MYCBPAP: variants seen among roughly 807,000 people sequenced by gnomAD.
The protein encoded by MYCBPAP is MYCBP associated protein, also known as MYCBP-associated protein.
In MYCBPAP, 60 loss-of-function variants were observed where a neutral mutation model predicts 106.1. The ratio of observed to expected loss-of-function variants is 0.57; its 90% CI spans 0.46 to 0.70. The LOEUF (loss-of-function observed/expected upper bound fraction) is 0.70, where lower values mean the gene tolerates loss of function less well. Ranked by LOEUF, MYCBPAP falls within the 30% of genes least tolerant of loss-of-function variation. The pLI is 0.00. For synonymous variants in MYCBPAP, 407 were observed against 440.6 expected, an observed-to-expected ratio of 0.92 and a Z score of 0.95; for missense variants, 1,064 against 1,169.3, an observed-to-expected ratio of 0.91 and a Z score of 1.31.
chr17:50,508,096 C>T (rs1289459160), upstream of MYCBPAP, among the ~76,000 whole-genome samples: 4 of 152,154 alleles, frequency 2.6e-5, no homozygotes, highest in African/African-American at 9.7e-5. Context: ...CACCTAAAAC[C>T]TACGGTACGC....
At chr17:50,527,453 G>C (rs772364950) in intron 15 of MYCBPAP, 45 bp downstream of exon 15, 1 of 1,609,306 alleles carries the variant, frequency 6.2e-7, no homozygotes, top group African/African-American at 1.3e-5. Context: ...TTCCCTTTGT[G>C]GCATCTGCAG....
rs529491387 is a variant in MYCBPAP at position 50,521,473 on chromosome 17, C to A, written c.1148+42C>A. ...CCCTGGGGAGAGAGGCTGAAGAGTT[C>A]TCCAGCACCTACCAGTATTAAAGAG... is the stretch of plus-strand genomic sequence containing the variant. On this transcript the variant is annotated intron_variant, in intron 9 of 18. Transcript: ENST00000323776. The A allele has an allele frequency of 2.2e-6, 3 of 1,394,246 alleles. No individual in the cohort carries two copies. The South Asian group carries it at 3.7e-5, about 17-fold the overall frequency. 86.4% of individuals were successfully genotyped at this position (1,394,246 alleles called of 1,614,324 possible). A position where few individuals can be genotyped will look rare whatever the true frequency, so the allele number is the denominator to read the frequency against.
upstream of MYCBPAP, among the ~76,000 whole-genome samples, chr17:50,507,942 C>T (rs557928718): frequency 2.6e-5 from 4 of 152,338 alleles, no homozygotes; most frequent in East Asian, 7.7e-4. Context: ...GAGGCAGCAT[C>T]TCCAAGGACT....
At chr17:50,515,533 G>T (rs1395606076) in intron 1 of MYCBPAP, among the ~76,000 whole-genome samples, 1 of 152,212 alleles carries the variant, frequency 6.6e-6, no homozygotes, top group Non-Finnish European at 1.5e-5. Flanking sequence ...CACTGGAGGA[G>T]GCTGGCAAAA....
chr17:50,510,473 A>ATATGTGTGTGTGTGTGTG (rs1445835356), intron 1 of MYCBPAP: 3 of 96,296 alleles, frequency 3.1e-5, no homozygotes, highest in Admixed American at 1.2e-4. Flanking sequence ...ATGTGTATAT[A>ATATGTGTGTGTGTGTGTG]TGTGTGTGTG....
In MYCBPAP at chr17:50,530,497, C is replaced by CAAAAAA. The variant is rs10526790; in HGVS notation, c.2725-826_2725-821dup. Reference sequence around the variant, plus strand: ...GTGACAAGAGTGAGACTCTTACCTCCAAAAAAAAAGAATCAACTTGCTGGC... The same window carrying CAAAAAA: ...GTGACAAGAGTGAGACTCTTACCTCCAAAAAAAAAAAAAAAGAATCAACTTGCTGGC... On this transcript the variant is annotated intron_variant, in intron 18 of 18. Coordinates refer to ENST00000323776, the MANE Select transcript of MYCBPAP (RefSeq NM_032133.6). 1.2e-4 allele frequency among the ~76,000 whole-genome samples: 13 copies of CAAAAAA among 105,920 alleles called. 2 individuals are homozygous for CAAAAAA. Among genetic ancestry groups the CAAAAAA allele is most frequent in the Middle Eastern group, 0.011 (2 of 186 alleles). The allele number at this position is 105,920 out of a possible 152,430, so 69.5% of individuals were successfully genotyped here.
chr17:50,528,302 C>T, intron 16 of MYCBPAP, 32 bp downstream of exon 16: 1 of 1,513,842 alleles, frequency 6.6e-7, no homozygotes, highest in Non-Finnish European at 9.1e-7. Context: ...CACACCTCTG[C>T]ATAGCCCTCC....
chr17:50,516,816 C>A, intron 2 of MYCBPAP, 119 bp downstream of exon 2: 1 of 1,076,300 alleles, frequency 9.3e-7, no homozygotes, highest in Non-Finnish European at 1.3e-6. Context: ...ATGGAAAAAC[C>A]CACTGAACAC....
intron 1 of MYCBPAP, among the ~76,000 whole-genome samples, chr17:50,511,317 C>T (rs1028663751): frequency 1.3e-5 from 2 of 152,038 alleles, no homozygotes; most frequent in Non-Finnish European, 1.5e-5. Flanking sequence ...TCCTGCTATG[C>T]ACCACCTCCC....
intron 10 of MYCBPAP, chr17:50,522,694 CAAAA>C (rs1555620749): frequency 8.3e-5 from 3 of 36,286 alleles, no homozygotes; most frequent in Admixed American, 5.5e-4. Flanking sequence ...AACTCTGTCT[CAAAA>C]AAAAAAAAAA....
intron 10 of MYCBPAP, chr17:50,522,709 A>AT (rs1555620722): frequency 0.064 from 3,227 of 50,272 alleles, 320 homozygotes; most frequent in South Asian, 0.13. Context: ...AAAAAAAAAA[A>AT]ATATATATAT....
chr17:50,530,164 TCAA>T (rs1259473972), intron 18 of MYCBPAP: 3 of 399,050 alleles, frequency 7.5e-6, no homozygotes, highest in Non-Finnish European at 1.5e-5. Context: ...CCCATGGGGG[TCAA>T]CGTCAACCCT....
At chr17:50,529,889 A>G in intron 18 of MYCBPAP, 1 of 447,928 alleles carries the variant, frequency 2.2e-6, no homozygotes, top group Admixed American at 2.4e-5. Flanking sequence ...GTCCTTAGAA[A>G]TTCACCCAGG....
At chr17:50,519,154 T>C in intron 6 of MYCBPAP, 65 bp downstream of exon 6, 1 of 1,154,430 alleles carries the variant, frequency 8.7e-7, no homozygotes, top group Non-Finnish European at 1.3e-6. Flanking sequence ...CGGGGGCAGG[T>C]GTCTGGACAC....
chr17:50,518,618 A>G lies in MYCBPAP; in HGVS notation c.546A>G (p.Pro182=), dbSNP rs1378910735. The G allele has an allele frequency of 1.9e-6, 3 of 1,610,580 alleles. No individual in the cohort carries two copies. The highest frequency in any genetic ancestry group is 2.2e-5 in the South Asian group (2 of 90,622). The change falls in exon 5 of 19, where the codon CCA becomes CCG. Residue 182 remains proline (P), a synonymous_variant. Coordinates refer to ENST00000323776, the MANE Select transcript of MYCBPAP (RefSeq NM_032133.6). ...AAGGAGAGTCAAAGCAAAAAGCCCCAAAAGAAGAGAAGAGACCTCCCTGGG... is the reference window on the plus strand; with the variant it reads ...AAGGAGAGTCAAAGCAAAAAGCCCCGAAAGAAGAGAAGAGACCTCCCTGGG... ...SAEGESKQKA[P]KEEKRPPWAP...
intron 14 of MYCBPAP, among the ~76,000 whole-genome samples, chr17:50,527,053 A>G (rs1349743190): frequency 1.3e-5 from 2 of 152,162 alleles, no homozygotes; most frequent in Non-Finnish European, 1.5e-5. Context: ...AAGCTGCTAT[A>G]TTCCAGGAGG....
intron 4 of MYCBPAP, 98 bp downstream of exon 4, chr17:50,517,796 T>C: frequency 1.0e-6 from 1 of 1,002,148 alleles, no homozygotes; most frequent in Non-Finnish European, 1.6e-6. Flanking sequence ...AAAGAGACAG[T>C]CTAGTCTGTA....
At chr17:50,523,525 T>C in intron 11 of MYCBPAP, 72 bp from the exon 12 acceptor site, 2 of 1,499,740 alleles carry the variant, frequency 1.3e-6, no homozygotes, top group South Asian at 1.1e-5. Context: ...GTTAACTGCA[T>C]GTAGGAGCAT....
At chr17:50,519,515 C>T (rs943490467) in intron 6 of MYCBPAP, 125 bp from the exon 7 acceptor site, 16 of 1,162,818 alleles carry the variant, frequency 1.4e-5, no homozygotes, top group African/African-American at 3.1e-5. Flanking sequence ...TATGCAATCA[C>T]GGCAGCAATG....
Sources: gnomAD v4.1 joint callset for allele counts (sites outside exome capture counted in the v4.1 genomes callset) on GRCh38, gnomAD v4.1.1 for gene constraint, MANE v1.5 for transcripts, NCBI Gene and HGNC (gene_info 2026-07-23, HGNC 2026-07-21) for gene names.